Variants in AHI1 observed in about 807,000 individuals in gnomAD.
The protein encoded by AHI1 is jouberin.
In AHI1, 123 loss-of-function variants were observed where a neutral mutation model predicts 149.3. That is an observed-to-expected ratio of 0.82 (90% confidence interval 0.71 to 0.96). The LOEUF (loss-of-function observed/expected upper bound fraction) is 0.96. Ranked by LOEUF, AHI1 falls within the 40% of genes least tolerant of loss-of-function variation. AHI1 has a pLI of 0.00. For synonymous variants in AHI1, 475 were observed against 459.8 expected, an observed-to-expected ratio of 1.03 and a Z score of -0.42; for missense variants, 1,439 against 1,422.7, an observed-to-expected ratio of 1.01 and a Z score of -0.18.
rs1053445612 is a variant in AHI1, at chr6:135,322,055, G to A, written c.3328+1107C>T. On this transcript the variant is annotated intron_variant, in intron 25 of 28. Coordinates refer to ENST00000265602, the MANE Select transcript of AHI1 (RefSeq NM_001134831.2). ...TGACCTAAAGTGATCTGCCTGCCTC[G>A]GCCTCCCAAAGTGCTGGGATTACAG... Among the ~76,000 whole-genome samples, 4 of 152,270 alleles carry A rather than the reference G, an allele frequency of 2.6e-5. No homozygotes were observed. In the South Asian group the frequency reaches 8.3e-4, roughly 32 times the overall value.
At chr6:135,387,882 A>G in intron 23 of AHI1, 1 of 1,546,596 alleles carries the variant, frequency 6.5e-7, no homozygotes, top group Non-Finnish European at 8.7e-7. Context: ...AAATGTGGAG[A>G]CATTTATCCG....
intron 15 of AHI1, chr6:135,435,189 T>C (rs1311323306): frequency 6.6e-6 from 1 of 152,226 alleles, no homozygotes; most frequent in Non-Finnish European, 1.5e-5. Flanking sequence ...ATTTTGATGC[T>C]AGCCACATGC....
intron 23 of AHI1, among the ~76,000 whole-genome samples, chr6:135,360,105 A>G (rs980698450): frequency 6.6e-6 from 1 of 152,138 alleles, no homozygotes; most frequent in Non-Finnish European, 1.5e-5. Flanking sequence ...CTTTAGAAAA[A>G]AATGTATCAA....
chr6:135,379,414 C>G (rs1776374291), intron 23 of AHI1, among the ~76,000 whole-genome samples: 1 of 152,168 alleles, frequency 6.6e-6, no homozygotes, highest in African/African-American at 2.4e-5. Context: ...TTTTAACTGG[C>G]CTTCCTAGCT....
At chr6:135,484,680 C>T (rs189729691) in intron 5 of AHI1, among the ~76,000 whole-genome samples, 2 of 151,782 alleles carry the variant, frequency 1.3e-5, no homozygotes, top group Non-Finnish European at 2.9e-5. Flanking sequence ...CAATTATTAT[C>T]ACTAGCTATA....
At chr6:135,454,339 T>C (rs139129114) in intron 10 of AHI1, among the ~76,000 whole-genome samples, 1 of 152,242 alleles carries the variant, frequency 6.6e-6, no homozygotes, top group African/African-American at 2.4e-5. Flanking sequence ...TTCATGTCAA[T>C]ACATACACAT....
chr6:135,415,924 G>T (rs1215570682), intron 20 of AHI1, among the ~76,000 whole-genome samples: 1 of 152,130 alleles, frequency 6.6e-6, no homozygotes, highest in East Asian at 1.9e-4. Flanking sequence ...GGTATATACA[G>T]TTTCACTTAT....
chr6:135,452,706 A>T (rs181205423), intron 11 of AHI1, among the ~76,000 whole-genome samples: 1 of 151,958 alleles, frequency 6.6e-6, no homozygotes, highest in African/African-American at 2.4e-5. Flanking sequence ...CAACCTCTTC[A>T]TGCACCATTC....
chr6:135,333,796 T>C lies in AHI1; in HGVS notation c.3166-10472A>G, dbSNP rs79616541. Among the ~76,000 whole-genome samples, 579 of 152,310 alleles carry C rather than the reference T, an allele frequency of 3.8e-3. 2 individuals carry two copies. Among genetic ancestry groups the C allele is most frequent in the Middle Eastern group, 0.014 (4 of 294 alleles). On this transcript the variant is annotated intron_variant, in intron 24 of 28. Transcript: ENST00000265602. Reference sequence around the variant, plus strand: ...TTTAAGTACTCAGATTATATATCTGTAAAATAAGAGGTCTAGACAAGATGA... The same window carrying C: ...TTTAAGTACTCAGATTATATATCTGCAAAATAAGAGGTCTAGACAAGATGA...
chr6:135,486,474 T>G (rs182496629), intron 5 of AHI1, among the ~76,000 whole-genome samples: 1 of 152,324 alleles, frequency 6.6e-6, no homozygotes, highest in East Asian at 1.9e-4. Flanking sequence ...TCAATTTATT[T>G]GCACTAACAT....
chr6:135,302,063 C>G (rs1428917470), intron 26 of AHI1: 1 of 965,486 alleles, frequency 1.0e-6, no homozygotes, highest in Non-Finnish European at 1.2e-6. Context: ...ATGATCGTAG[C>G]TCACTGCAGC....
chr6:135,307,841 C>CTGA (rs2128361334), intron 26 of AHI1, among the ~76,000 whole-genome samples: 1 of 152,134 alleles, frequency 6.6e-6, no homozygotes, highest in East Asian at 1.9e-4. Flanking sequence ...CTGGCCGTGT[C>CTGA]TGAAAGACAT....
At chr6:135,489,762 C>T (rs1794982514) in intron 5 of AHI1, among the ~76,000 whole-genome samples, 1 of 151,978 alleles carries the variant, frequency 6.6e-6, no homozygotes, top group Non-Finnish European at 1.5e-5. Context: ...TTGTTTTTGC[C>T]TCACTTCAGA....
intron 23 of AHI1, among the ~76,000 whole-genome samples, chr6:135,391,738 A>T (rs527831235): frequency 6.6e-6 from 1 of 152,298 alleles, no homozygotes; most frequent in East Asian, 1.9e-4. Flanking sequence ...TTATTCAATG[A>T]TACTTGTTAA....
intron 28 of AHI1, among the ~76,000 whole-genome samples, chr6:135,288,137 C>T (rs1781914731): frequency 1.3e-5 from 2 of 151,908 alleles, no homozygotes; most frequent in African/African-American, 2.4e-5. Flanking sequence ...CTGGACCTTA[C>T]CCCACAAGAC....
intron 26 of AHI1, among the ~76,000 whole-genome samples, chr6:135,312,903 T>C (rs1008854512): frequency 6.6e-6 from 1 of 152,250 alleles, no homozygotes; most frequent in Non-Finnish European, 1.5e-5. Flanking sequence ...CACAGACGAC[T>C]TTTCATGTTC....
At chr6:135,339,235 C>T (rs1172811880) in intron 24 of AHI1, among the ~76,000 whole-genome samples, 1 of 152,196 alleles carries the variant, frequency 6.6e-6, no homozygotes, top group African/African-American at 2.4e-5. Context: ...AAATTAATTT[C>T]CAGTTTGCCA....
chr6:135,372,789 G>T (rs1473328294), intron 23 of AHI1, among the ~76,000 whole-genome samples: 1 of 152,180 alleles, frequency 6.6e-6, no homozygotes, highest in Non-Finnish European at 1.5e-5. Flanking sequence ...CATTCCTAAG[G>T]TCATATAACT....
rs1281181811 is a variant in AHI1 at position 135,466,243 on chromosome 6, GCTAA to G, written c.316_319del (p.Leu106GlnfsTer11). ...AGCATCACCATTAGGATTTTCAGTT[GCTAA>G]CTGTGTGTTCCTCAATTTGTTTTTA... On this transcript the variant is annotated frameshift_variant, in exon 7 of 29. Coordinates refer to ENST00000265602, the MANE Select transcript of AHI1 (RefSeq NM_001134831.2). LOFTEE classifies it high-confidence loss of function. 6.2e-7 allele frequency: 1 copy of G among 1,613,892 alleles called. No homozygotes were observed. Among genetic ancestry groups the G allele is most frequent in the Admixed American group, 1.7e-5 (1 of 60,018 alleles).
Sources: allele counts gnomAD v4.1 joint callset (sites outside exome capture counted in the v4.1 genomes callset), GRCh38; gene constraint gnomAD v4.1.1; transcripts MANE v1.5; gene names NCBI Gene and HGNC (gene_info 2026-07-23, HGNC 2026-07-21).